The following LRRC53 variants were observed in gnomAD, a reference collection of about 807,000 sequenced individuals.
LRRC53 encodes the protein leucine rich repeat containing 53, also known as leucine-rich repeat-containing protein 53.
Under a neutral mutation model 13.6 loss-of-function variants are expected in LRRC53, and 25 were observed. That is an observed-to-expected ratio of 1.83 (90% CI 1.34 to 2.56). The LOEUF (loss-of-function observed/expected upper bound fraction) is 2.56. Ranked by LOEUF, LRRC53 falls within the 30% of genes most tolerant of loss-of-function variation. The pLI, the probability that LRRC53 is intolerant of heterozygous loss-of-function variation, is 0.00. For missense variants in LRRC53, 527 were observed against 275.8 expected (o/e 1.91, Z -6.45); for synonymous variants, 204 against 109.8 (o/e 1.86, Z -5.37).
chr1:74,486,152 AT>A (rs1220753817), intron 1 of LRRC53, among the ~76,000 whole-genome samples: 1 of 151,264 alleles, frequency 6.6e-6, no homozygotes, highest in Admixed American at 6.6e-5. Context: ...CAGAATTTTA[AT>A]TGTTTCCTAA....
chr1:74,492,438 T>C (rs1369268713), intron 1 of LRRC53, among the ~76,000 whole-genome samples: 1 of 152,212 alleles, frequency 6.6e-6, no homozygotes, highest in Non-Finnish European at 1.5e-5. Context: ...GAAATTTTAT[T>C]ATCTGTTAGC....
At chr1:74,535,859 AC>A in the LRRC53 span, among the ~76,000 whole-genome samples, 1 of 152,264 alleles carries the variant, frequency 6.6e-6, no homozygotes, top group South Asian at 2.1e-4. Context: ...TCCCCTTCTT[AC>A]TTACAAAGCA....
At chr1:74,533,726 G>A in the LRRC53 span, among the ~76,000 whole-genome samples, 2 of 151,826 alleles carry the variant, frequency 1.3e-5, no homozygotes, top group Admixed American at 1.3e-4. Context: ...GGAATACTAT[G>A]CAGCCATAAA....
the LRRC53 span, among the ~76,000 whole-genome samples, chr1:74,525,526 C>A: frequency 1.7e-4 from 26 of 152,132 alleles, no homozygotes; most frequent in African/African-American, 6.3e-4. Context: ...GAAGAAATGA[C>A]CAGGAGCTCA....
chr1:74,514,113 A>G (rs775146571), upstream of LRRC53, among the ~76,000 whole-genome samples: 11 of 152,240 alleles, frequency 7.2e-5, no homozygotes, highest in Non-Finnish European at 1.6e-4. Flanking sequence ...ACACCAAAAT[A>G]GAAGCTTCCT....
At chr1:74,479,212 T>G (rs1668355620) in intron 3 of LRRC53, among the ~76,000 whole-genome samples, 1 of 152,142 alleles carries the variant, frequency 6.6e-6, no homozygotes, top group Non-Finnish European at 1.5e-5. Flanking sequence ...GATTTCACCA[T>G]GCACTGAGAG....
At chr1:74,482,163 C>T (rs888804068) in intron 2 of LRRC53, among the ~76,000 whole-genome samples, 2 of 152,138 alleles carry the variant, frequency 1.3e-5, no homozygotes, top group Non-Finnish European at 2.9e-5. Context: ...CATGGGTCCC[C>T]AGTCCTTTAG....
the LRRC53 span, among the ~76,000 whole-genome samples, chr1:74,537,072 T>C: frequency 5.4e-4 from 83 of 152,322 alleles, no homozygotes; most frequent in South Asian, 2.3e-3. Context: ...GCCTATGTGG[T>C]ATCTCTTGGG....
chr1:74,502,051 C>T (rs998971279), intron 1 of LRRC53, among the ~76,000 whole-genome samples: 1 of 152,108 alleles, frequency 6.6e-6, no homozygotes, highest in South Asian at 2.1e-4. Flanking sequence ...ATCTGACCCT[C>T]CACCTTGCTT....
rs1186688231 is a variant in LRRC53 at position 74,480,691 on chromosome 1, TA to T, written c.365del (p.Leu122HisfsTer12). On this transcript the variant is annotated frameshift_variant, in exon 3 of 5. Coordinates refer to ENST00000294635, the MANE Select transcript of LRRC53 (RefSeq NM_001382280.1). LOFTEE classifies it high-confidence loss of function. Reference protein sequence around the residue: ...LVLSNNALRTLRGSWFRNTSG... With the variant: ...LVLSNNALRTXRGSWFRNTSG... ...TTGTGTTTCGGAACCAAGACCCTCG[TA>T]GGGTGCGGAGAGCATTATTGCTCAG... 1.4e-6 allele frequency: 1 copy of T among 717,268 alleles called. No homozygotes were observed. Among genetic ancestry groups the T allele is most frequent in the East Asian group, 2.7e-5 (1 of 37,300 alleles). 44.4% of individuals were successfully genotyped at this position (717,268 alleles called of 1,614,324 possible).
At chr1:74,529,786 C>T in the LRRC53 span, among the ~76,000 whole-genome samples, 1 of 152,110 alleles carries the variant, frequency 6.6e-6, no homozygotes, top group Non-Finnish European at 1.5e-5. Flanking sequence ...TAAGAAAGTT[C>T]ATATATTCAC....
At chr1:74,494,368 G>C (rs1297255245) in intron 1 of LRRC53, among the ~76,000 whole-genome samples, 3 of 152,158 alleles carry the variant, frequency 2.0e-5, no homozygotes, top group African/African-American at 7.2e-5. Flanking sequence ...ATGAAGAGAT[G>C]GGACTCTGAT....
chr1:74,511,018 G>A (rs1670186487), intron 1 of LRRC53, among the ~76,000 whole-genome samples: 1 of 152,012 alleles, frequency 6.6e-6, no homozygotes, highest in Non-Finnish European at 1.5e-5. Context: ...CTCCCAAGTA[G>A]CTGGAATTAC....
At chr1:74,523,708 G>C in the LRRC53 span, among the ~76,000 whole-genome samples, 1 of 152,158 alleles carries the variant, frequency 6.6e-6, no homozygotes, top group South Asian at 2.1e-4. Context: ...CCTATTTGTT[G>C]GTAATTGCTA....
the LRRC53 span, among the ~76,000 whole-genome samples, chr1:74,533,161 A>T: frequency 6.6e-6 from 1 of 152,180 alleles, no homozygotes; most frequent in Non-Finnish European, 1.5e-5. Flanking sequence ...TTCGCAACCT[A>T]CTCATCTGAC....
At chr1:74,534,110 G>T in the LRRC53 span, among the ~76,000 whole-genome samples, 1 of 151,952 alleles carries the variant, frequency 6.6e-6, no homozygotes, top group Non-Finnish European at 1.5e-5. Flanking sequence ...GTATATGAAA[G>T]CTATAAAGCC....
chr1:74,523,140 T>C, the LRRC53 span, among the ~76,000 whole-genome samples: 2 of 152,226 alleles, frequency 1.3e-5, no homozygotes, highest in African/African-American at 4.8e-5. Flanking sequence ...GCCTGACCAA[T>C]TTGCCCTCAG....
intron 1 of LRRC53, among the ~76,000 whole-genome samples, chr1:74,483,695 A>T (rs976474569): frequency 1.3e-5 from 2 of 152,202 alleles, no homozygotes; most frequent in African/African-American, 4.8e-5. Context: ...TAGTTCTTTT[A>T]ATTCTGCAAC....
intron 1 of LRRC53, chr1:74,492,067 A>C: frequency 6.7e-7 from 1 of 1,485,834 alleles, no homozygotes. Context: ...GGAAGTATTA[A>C]ACAATTGAAA....
Sources: gnomAD v4.1 joint callset for allele counts (sites outside exome capture counted in the v4.1 genomes callset) on GRCh38, gnomAD v4.1.1 for gene constraint, MANE v1.5 for transcripts, NCBI Gene and HGNC (gene_info 2026-07-23, HGNC 2026-07-21) for gene names.